Variants in CCDC57 observed in about 807,000 individuals in gnomAD.
CCDC57 encodes the protein coiled-coil domain containing 57.
A neutral mutation model predicts 118.9 loss-of-function variants in CCDC57; 118 were observed. That is an observed-to-expected ratio of 0.99 (90% CI 0.86 to 1.16). The LOEUF is 1.16. CCDC57 is among the 50% of genes most tolerant of loss of function. The pLI is 0.00. For synonymous variants in CCDC57, 527 were observed against 532.9 expected (o/e 0.99, Z 0.15); for missense variants, 1,300 against 1,320.7 (o/e 0.98, Z 0.24).
chr17:82,129,280 C>A (rs74001549), intron 17 of CCDC57, among the ~76,000 whole-genome samples: 5,163 of 152,234 alleles, frequency 0.034, 287 homozygotes, highest in African/African-American at 0.12. Flanking sequence ...ATGTCTCCCC[C>A]CTTCTGGAGG....
At chr17:82,149,145 G>GAT (rs1483629996) in intron 16 of CCDC57, among the ~76,000 whole-genome samples, 7 of 145,828 alleles carry the variant, frequency 4.8e-5, no homozygotes, top group Non-Finnish European at 9.1e-5. Context: ...TGGATGGATG[G>GAT]GTGGATGAAT....
chr17:82,170,482 T>TG (rs2044544854), intron 13 of CCDC57, among the ~76,000 whole-genome samples: 1 of 131,890 alleles, frequency 7.6e-6, no homozygotes, highest in East Asian at 2.3e-4. Context: ...CACTCCACCC[T>TG]GGGCAACAGA....
At chr17:82,142,696 G>A (rs1302339478) in intron 16 of CCDC57, among the ~76,000 whole-genome samples, 1 of 152,092 alleles carries the variant, frequency 6.6e-6, no homozygotes, top group Non-Finnish European at 1.5e-5. Flanking sequence ...ACACTTTGTG[G>A]CTTTTGGCAG....
chr17:82,103,112 C>G (rs2034579643), intron 19 of CCDC57, among the ~76,000 whole-genome samples: 2 of 152,216 alleles, frequency 1.3e-5, no homozygotes, highest in South Asian at 4.1e-4. Context: ...TGGGAAGCGT[C>G]TGTGCTTTGG....
intron 2 of CCDC57, among the ~76,000 whole-genome samples, chr17:82,202,354 G>T (rs890820126): frequency 2.6e-5 from 4 of 151,978 alleles, no homozygotes; most frequent in African/African-American, 9.7e-5. Flanking sequence ...TGTAGTCCCA[G>T]CTACTCGGGA....
exon 3 of CCDC57, chr17:82,201,866 G>A: frequency 6.2e-7 from 1 of 1,613,120 alleles, no homozygotes; most frequent in Non-Finnish European, 8.5e-7. Context: ...TGGGTGCGGT[G>A]TGCCTGCAGC....
At chr17:82,148,607 G>T (rs2041301708) in intron 16 of CCDC57, among the ~76,000 whole-genome samples, 1 of 89,602 alleles carries the variant, frequency 1.1e-5, no homozygotes, top group Non-Finnish European at 2.2e-5. Context: ...TGGATAGATG[G>T]ATGGGTGGGT....
chr17:82,101,901 G>C (rs751356900), intron 19 of CCDC57, 35 bp from the exon 19 acceptor site: 6 of 1,520,570 alleles, frequency 3.9e-6, no homozygotes, highest in Non-Finnish European at 4.4e-6. Flanking sequence ...GCATGCATCA[G>C]GATGGCAGGG....
chr17:82,186,271 C>T (rs2146563647), intron 8 of CCDC57, among the ~76,000 whole-genome samples: 1 of 152,320 alleles, frequency 6.6e-6, no homozygotes, highest in Non-Finnish European at 1.5e-5. Flanking sequence ...TAATAATTCT[C>T]AATGAGCAAA....
intron 19 of CCDC57, among the ~76,000 whole-genome samples, chr17:82,109,870 A>G (rs986825815): frequency 2.6e-5 from 4 of 151,982 alleles, no homozygotes; most frequent in Non-Finnish European, 4.4e-5. Context: ...AAAATAAAAA[A>G]TGAAAAAAAC....
chr17:82,209,701 G>T (rs1225741243), intron 1 of CCDC57, among the ~76,000 whole-genome samples: 8 of 152,134 alleles, frequency 5.3e-5, no homozygotes, highest in Admixed American at 5.2e-4. Context: ...TGGCCAGGCT[G>T]GTTTCCAACT....
At position 82,157,313 on chromosome 17, in the gene CCDC57, G is replaced by C. The variant is rs530813635; in HGVS notation, c.2241+435C>G. ...TGTGTGGCTCTGAACGCAGCAGTGA[G>C]GGCCATGTGGGCCCCTCCCCACGCA... On this transcript the variant is annotated intron_variant, in intron 15 of 19. Coordinates refer to ENST00000665763, the Ensembl canonical transcript of CCDC57. 5 of 373,370 alleles carry C rather than the reference G, an allele frequency of 1.3e-5. No individual in the cohort carries two copies. In the East Asian group the frequency reaches 5.4e-4, roughly 40 times the overall value. The allele number at this position is 373,370 out of a possible 1,614,324, so 23.1% of individuals were successfully genotyped here.
rs1568269334 is a variant in CCDC57, at chr17:82,150,048, CCCACCCA to C, written c.2455+1505_2455+1511del. ...CCTGGCACACACCCAGAATGTGACC[CCCACCCA>C]GAACCAGGCACACACTCAGAACCTG... On this transcript the variant is annotated intron_variant, in intron 16 of 19. Coordinates refer to ENST00000665763, the Ensembl canonical transcript of CCDC57. Among the ~76,000 whole-genome samples the C allele has an allele frequency of 1.5e-5, 2 of 136,142 alleles. 1 individual carries two copies. Among genetic ancestry groups the C allele is most frequent in the African/African-American group, 5.4e-5 (2 of 36,908 alleles). 89.3% of individuals were successfully genotyped at this position (136,142 alleles called of 152,430 possible).
chr17:82,108,600 G>A (rs2035027035), intron 19 of CCDC57, among the ~76,000 whole-genome samples: 1 of 152,084 alleles, frequency 6.6e-6, no homozygotes, highest in African/African-American at 2.4e-5. Flanking sequence ...AAAAAAATCT[G>A]ACCACAAGAG....
intron 16 of CCDC57, among the ~76,000 whole-genome samples, chr17:82,151,014 C>T (rs1385217131): frequency 1.9e-5 from 2 of 104,922 alleles, no homozygotes; most frequent in Non-Finnish European, 3.8e-5. Flanking sequence ...CACCCAGAAC[C>T]TGGCACACAC....
chr17:82,187,980 G>A (rs2047180747), intron 8 of CCDC57, among the ~76,000 whole-genome samples: 1 of 151,088 alleles, frequency 6.6e-6, no homozygotes, highest in Admixed American at 6.6e-5. Context: ...TTTATGTTAT[G>A]CATATCTTAC....
At chr17:82,188,939 C>G (rs1484812017) in intron 7 of CCDC57, among the ~76,000 whole-genome samples, 2 of 152,202 alleles carry the variant, frequency 1.3e-5, no homozygotes, top group South Asian at 2.1e-4. Context: ...TAGGCCACAC[C>G]ACTTTGCCTG....
intron 15 of CCDC57, 175 bp from the exon 15 acceptor site, chr17:82,151,948 A>C: frequency 1.7e-6 from 1 of 605,014 alleles, no homozygotes. Context: ...CCAGTGCTTC[A>C]GTGGGTTCCT....
chr17:82,190,737 A>G (rs537459638), intron 7 of CCDC57, among the ~76,000 whole-genome samples: 1 of 151,450 alleles, frequency 6.6e-6, no homozygotes, highest in African/African-American at 2.4e-5. Flanking sequence ...ATAATGGACA[A>G]TGCCTCTTGC....
Sources: allele counts gnomAD v4.1 joint callset (sites outside exome capture counted in the v4.1 genomes callset), GRCh38; gene constraint gnomAD v4.1.1; transcripts MANE v1.5; gene names NCBI Gene and HGNC (gene_info 2026-07-23, HGNC 2026-07-21).